Variants in CRACR2A observed in about 807,000 individuals in gnomAD.
CRACR2A encodes calcium release activated channel regulator 2A, also known as EF-hand calcium-binding domain-containing protein 4B.
Under a neutral mutation model 90.5 loss-of-function variants are expected in CRACR2A, and 79 were observed. The ratio of observed to expected loss-of-function variants is 0.87; its 90% CI spans 0.73 to 1.05. CRACR2A has a LOEUF of 1.05. Ranked by LOEUF, CRACR2A falls within the 50% of genes least tolerant of loss-of-function variation. CRACR2A has a pLI of 0.00. For synonymous variants in CRACR2A, 338 were observed against 356.7 expected (o/e 0.95, Z 0.59); for missense variants, 823 against 897.2 (o/e 0.92, Z 1.06).
At chr12:3,742,238 T>C (rs16930758) in intron 1 of CRACR2A, among the ~76,000 whole-genome samples, 23,892 of 152,220 alleles carry the variant, frequency 0.16, 2,073 homozygotes, top group African/African-American at 0.2. Flanking sequence ...ATCTGGGCAT[T>C]GCTCATTCGG....
At chr12:3,708,573 C>T (rs1056055732) in intron 3 of CRACR2A, among the ~76,000 whole-genome samples, 22 of 152,256 alleles carry the variant, frequency 1.4e-4, no homozygotes, top group African/African-American at 5.1e-4. Context: ...TACAGGTGCC[C>T]GCCACCACGC....
Position 3,619,476 on chromosome 12 carries a change from C to T in CRACR2A, c.1933-104G>A, listed in dbSNP as rs533217841. The T allele has an allele frequency of 2.4e-4, 202 of 854,708 alleles. 1 individual carries two copies. The highest frequency in any genetic ancestry group is 1.2e-3 in the Middle Eastern group (5 of 4,144). 52.9% of individuals were successfully genotyped at this position (854,708 alleles called of 1,614,324 possible). A position where few individuals can be genotyped will look rare whatever the true frequency, so the allele number is the denominator to read the frequency against. ...CAGATGGGACCTCGCTTGAGAATCC[C>T]CTGCTGCCATAAAAGGTGAGGCCGT... On this transcript the variant is annotated intron_variant, in intron 17 of 19. Coordinates refer to ENST00000440314, the MANE Select transcript of CRACR2A (RefSeq NM_001144958.2).
chr12:3,742,497 G>A (rs1036017513), intron 1 of CRACR2A, among the ~76,000 whole-genome samples: 2 of 152,166 alleles, frequency 1.3e-5, no homozygotes, highest in Non-Finnish European at 2.9e-5. Context: ...CCGTCTAGAC[G>A]AAGGAGGAAG....
chr12:3,638,329 C>G lies in CRACR2A; in HGVS notation c.1397G>C (p.Arg466Pro), dbSNP rs759439857. 1 of 1,551,008 alleles carries G rather than the reference C, an allele frequency of 6.4e-7. No homozygotes were observed. Among genetic ancestry groups the G allele is most frequent in the African/African-American group, 1.4e-5 (1 of 72,962 alleles). The change falls in exon 14 of 20, where the codon CGG becomes CCG. Residue 466 changes from arginine to proline, a missense_variant. By Grantham distance (103) the Arg-to-Pro change is moderately radical. Coordinates refer to ENST00000440314, the MANE Select transcript of CRACR2A (RefSeq NM_001144958.2). ...AACGGAGATGATTCTGCGGAGCGGC[C>G]GGGGGTACGGACCCCCAGGCCCTGG... ...GEPGPGGPYP[R>P]PLRRIISVEE...
In CRACR2A at chr12:3,616,984, T is replaced by G; in HGVS notation, c.2081A>C (p.Asn694Thr). Residue 694 changes from asparagine (N) to threonine (T), a missense_variant, in exon 19 of 20, where the codon AAC becomes ACC. Transcript: ENST00000440314. ...FYECSAYSGHNTKESLLHLAR... is the reference protein window; with the variant it reads ...FYECSAYSGHTTKESLLHLAR... ...CAGATGGAGCAGGGACTCTTTGGTG[T>G]TGTGACCAGAGTAGGCGCTGCATTC... The G allele has an allele frequency of 1.3e-6, 2 of 1,551,614 alleles. No individual in the cohort carries two copies.
At chr12:3,647,552 C>G (rs1268465950) in intron 11 of CRACR2A, among the ~76,000 whole-genome samples, 1 of 152,128 alleles carries the variant, frequency 6.6e-6, no homozygotes, top group Non-Finnish European at 1.5e-5. Flanking sequence ...TCCTAAGAAT[C>G]AAGACCTTCG....
At chr12:3,659,497 A>G in intron 8 of CRACR2A, 67 bp downstream of exon 8, 1 of 1,462,548 alleles carries the variant, frequency 6.8e-7, no homozygotes, top group Non-Finnish European at 9.5e-7. Flanking sequence ...AAAATCTTAA[A>G]CCTGGGGGAG....
chr12:3,627,999 TTCCCTCCC>T (rs145476593), intron 15 of CRACR2A, among the ~76,000 whole-genome samples: 10,594 of 146,040 alleles, frequency 0.073, 465 homozygotes, highest in Middle Eastern at 0.13. Context: ...CACTCTTTCT[TTCCCTCCC>T]TCCCTCCCTC....
chr12:3,733,973 A>ATTTATTT (rs1178458638), intron 1 of CRACR2A, among the ~76,000 whole-genome samples: 1 of 99,780 alleles, frequency 1.0e-5, no homozygotes, highest in East Asian at 3.1e-4. Flanking sequence ...ATTTTGCCTT[A>ATTTATTT]TTTTTTTTTT....
intron 1 of CRACR2A, among the ~76,000 whole-genome samples, chr12:3,738,805 T>C (rs1461406892): frequency 6.6e-6 from 1 of 152,096 alleles, no homozygotes; most frequent in African/African-American, 2.4e-5. Context: ...AGCAGACACA[T>C]GTCAGTGAGG....
chr12:3,616,304 T>C (rs1033680307), intron 19 of CRACR2A, among the ~76,000 whole-genome samples: 1 of 152,274 alleles, frequency 6.6e-6, no homozygotes, highest in East Asian at 1.9e-4. Context: ...AAGTATTTGC[T>C]GGACGGATGA....
At chr12:3,697,644 G>A (rs1664693297) in intron 3 of CRACR2A, among the ~76,000 whole-genome samples, 1 of 152,174 alleles carries the variant, frequency 6.6e-6, no homozygotes, top group Non-Finnish European at 1.5e-5. Context: ...CTCCTCAGGT[G>A]GATGCACTTG....
rs1016416055 is a variant in CRACR2A, at chr12:3,733,176, A to C, written c.-352T>G. 1.3e-5 allele frequency: 2 copies of C among 152,458 alleles called. No homozygotes were observed. Among genetic ancestry groups the C allele is most frequent in the Admixed American group, 1.3e-4 (2 of 15,294 alleles). The allele number at this position is 152,458 out of a possible 1,614,324, so 9.4% of individuals were successfully genotyped here. A position where few individuals can be genotyped will look rare whatever the true frequency, so the allele number is the denominator to read the frequency against. On this transcript the variant is annotated 5_prime_UTR_variant, in exon 2 of 20. Coordinates refer to ENST00000440314, the MANE Select transcript of CRACR2A (RefSeq NM_001144958.2). ...CAATGGCCCCAGGTGGCTCCGTGCCAGCCTCCTGAAGGGCAGCTGTGGTCA... is the reference window on the plus strand; with the variant it reads ...CAATGGCCCCAGGTGGCTCCGTGCCCGCCTCCTGAAGGGCAGCTGTGGTCA...
At chr12:3,694,719 C>T (rs1945708697) in intron 4 of CRACR2A, among the ~76,000 whole-genome samples, 1 of 152,182 alleles carries the variant, frequency 6.6e-6, no homozygotes, top group African/African-American at 2.4e-5. Flanking sequence ...AGGTGGCCAG[C>T]CGAAGCAGCC....
At chr12:3,644,744 T>C (rs988223385) in intron 11 of CRACR2A, 104 bp from the exon 12 acceptor site, 10 of 1,019,236 alleles carry the variant, frequency 9.8e-6, no homozygotes, top group Non-Finnish European at 1.4e-5. Flanking sequence ...AGGTGTGGTA[T>C]GGAAGACAGG....
intron 6 of CRACR2A, among the ~76,000 whole-genome samples, chr12:3,676,124 C>A (rs760506479): frequency 2.6e-5 from 4 of 152,168 alleles, no homozygotes; most frequent in Non-Finnish European, 5.9e-5. Flanking sequence ...ATCCATCCAC[C>A]CACCCATTTC....
chr12:3,682,541 A>T (rs1399459310), intron 4 of CRACR2A, among the ~76,000 whole-genome samples: 1 of 152,150 alleles, frequency 6.6e-6, no homozygotes, highest in African/African-American at 2.4e-5. Context: ...AATTCTTACT[A>T]CTCAAGTGCT....
intron 1 of CRACR2A, among the ~76,000 whole-genome samples, chr12:3,738,056 AG>A (rs1324810587): frequency 6.6e-6 from 1 of 152,214 alleles, no homozygotes; most frequent in Non-Finnish European, 1.5e-5. Context: ...TGCACTCTTT[AG>A]GGTATTCATA....
At chr12:3,673,741 T>C in intron 6 of CRACR2A, 149 bp from the exon 7 acceptor site, 2 of 993,484 alleles carry the variant, frequency 2.0e-6, no homozygotes, top group Non-Finnish European at 2.9e-6. Context: ...GAATGCTTGC[T>C]GCATGTGAGG....
Sources: allele counts gnomAD v4.1 joint callset (sites outside exome capture counted in the v4.1 genomes callset), GRCh38; gene constraint gnomAD v4.1.1; transcripts MANE v1.5; gene names NCBI Gene and HGNC (gene_info 2026-07-23, HGNC 2026-07-21).